Variants in LRRC1 observed in about 807,000 individuals in gnomAD.
The protein encoded by LRRC1 is leucine rich repeat containing 1.
Under a neutral mutation model 69.9 loss-of-function variants are expected in LRRC1, and 28 were observed. The ratio of observed to expected loss-of-function variants is 0.40; its 90% CI spans 0.30 to 0.55. LRRC1 has a LOEUF of 0.55. Among genes scored for constraint, LRRC1 ranks in the 20% least tolerant of loss-of-function variants. The pLI is 0.47. For synonymous variants in LRRC1, 236 were observed against 240.2 expected, an observed-to-expected ratio of 0.98 and a Z score of 0.16; for missense variants, 498 against 609.0, an observed-to-expected ratio of 0.82 and a Z score of 1.92.
intron 2 of LRRC1, among the ~76,000 whole-genome samples, chr6:53,852,622 G>C (rs964831457): frequency 5.3e-5 from 8 of 152,188 alleles, no homozygotes; most frequent in Non-Finnish European, 1.0e-4. Context: ...CCTGAGATAA[G>C]GAACCCAGGA....
intron 2 of LRRC1, among the ~76,000 whole-genome samples, chr6:53,871,555 G>C (rs1333644351): frequency 6.6e-6 from 1 of 152,118 alleles, no homozygotes; most frequent in East Asian, 1.9e-4. Context: ...CAGATGCGTA[G>C]TTTGCAAATA....
At chr6:53,795,566 C>T (rs753438830) in intron 1 of LRRC1, 151 bp downstream of exon 1, 3 of 735,742 alleles carry the variant, frequency 4.1e-6, no homozygotes, top group Non-Finnish European at 6.5e-6. Context: ...CCCCCTGTCT[C>T]TTTACTTCCA....
At chr6:53,908,118 T>C (rs984601117) in intron 10 of LRRC1, among the ~76,000 whole-genome samples, 7 of 152,180 alleles carry the variant, frequency 4.6e-5, no homozygotes, top group Non-Finnish European at 8.8e-5. Context: ...TGCAGTAGTA[T>C]GATTGATTCA....
chr6:53,881,999 A>G (rs1419510148), intron 3 of LRRC1, among the ~76,000 whole-genome samples: 2 of 152,226 alleles, frequency 1.3e-5, no homozygotes, highest in African/African-American at 4.8e-5. Context: ...AGAACATAGT[A>G]AAACATAAAA....
At chr6:53,907,815 C>G (rs1768288854) in intron 10 of LRRC1, among the ~76,000 whole-genome samples, 1 of 151,426 alleles carries the variant, frequency 6.6e-6, no homozygotes, top group Non-Finnish European at 1.5e-5. Context: ...AGATTATTCA[C>G]TCTCAAAAGA....
At chr6:53,820,429 G>A (rs1164131508) in intron 1 of LRRC1, among the ~76,000 whole-genome samples, 8 of 147,616 alleles carry the variant, frequency 5.4e-5, no homozygotes, top group African/African-American at 2.0e-4. Context: ...GCACATGGTA[G>A]GCACAGTGCT....
chr6:53,879,688 C>G (rs1462176986), intron 3 of LRRC1, among the ~76,000 whole-genome samples: 1 of 151,996 alleles, frequency 6.6e-6, no homozygotes, highest in Non-Finnish European at 1.5e-5. Context: ...TTAGCAATAG[C>G]TGTGAGGATT....
intron 1 of LRRC1, among the ~76,000 whole-genome samples, chr6:53,823,092 G>T (rs1157818470): frequency 6.6e-6 from 1 of 152,162 alleles, no homozygotes; most frequent in African/African-American, 2.4e-5. Flanking sequence ...CTGTGACTCT[G>T]GAGTGTAAGT....
chr6:53,848,630 G>C (rs1416218222), intron 2 of LRRC1, among the ~76,000 whole-genome samples: 1 of 152,130 alleles, frequency 6.6e-6, no homozygotes, highest in Admixed American at 6.5e-5. Context: ...CCTTCCACTT[G>C]CTTTGTCAGA....
rs9463999 is a variant in LRRC1, at chr6:53,913,198, A to G, written c.991-656A>G. On this transcript the variant is annotated intron_variant, in intron 10 of 13. Transcript: ENST00000370888. ...AGGCTGCAGCTGAAGAAATGGATGT[A>G]TGGATTTACTCAGTTCACTTTCTGT... 1.9e-3 allele frequency among the ~76,000 whole-genome samples: 288 copies of G among 152,238 alleles called. 2 individuals carry two copies. The highest frequency in any genetic ancestry group is 6.5e-3 in the African/African-American group (272 of 41,542).
intron 9 of LRRC1, among the ~76,000 whole-genome samples, chr6:53,903,739 G>A (rs528234370): frequency 6.6e-6 from 1 of 152,312 alleles, no homozygotes; most frequent in South Asian, 2.1e-4. Flanking sequence ...GCCTCTGGCA[G>A]GTGTGGTGGG....
At chr6:53,839,202 T>G (rs1488845499) in intron 1 of LRRC1, among the ~76,000 whole-genome samples, 3 of 152,132 alleles carry the variant, frequency 2.0e-5, no homozygotes, top group Non-Finnish European at 4.4e-5. Flanking sequence ...TTATTTTCAG[T>G]TATGAGGACA....
intron 2 of LRRC1, among the ~76,000 whole-genome samples, chr6:53,849,080 T>TG (rs1330791078): frequency 2.9e-5 from 4 of 137,526 alleles, no homozygotes; most frequent in Non-Finnish European, 4.8e-5. Flanking sequence ...TTTTTTTTTT[T>TG]AGTTAGCAGG....
intron 1 of LRRC1, among the ~76,000 whole-genome samples, chr6:53,815,990 C>G (rs1764940304): frequency 6.6e-6 from 1 of 152,108 alleles, no homozygotes. Context: ...TAGTTTTCAT[C>G]TCTGCTTTGT....
At position 53,842,247 on chromosome 6, in the gene LRRC1, G is replaced by T. The variant is rs778064303; in HGVS notation, c.277+20G>T. On this transcript the variant is annotated intron_variant, in intron 2 of 13. Transcript: ENST00000370888. ...GAAATGGTAAGAAAGATTCCACTTG[G>T]GTTGCCTATTTGTCTCTTCAGATGC... 7.7e-6 allele frequency: 12 copies of T among 1,566,074 alleles called. No individual in the cohort carries two copies. The East Asian group carries it at 2.2e-4, about 29-fold the overall frequency.
intron 1 of LRRC1, among the ~76,000 whole-genome samples, chr6:53,813,980 C>A (rs1764875998): frequency 6.6e-6 from 1 of 152,210 alleles, no homozygotes; most frequent in African/African-American, 2.4e-5. Flanking sequence ...GAAACCCTTG[C>A]ATCCTTGCTC....
At chr6:53,798,187 T>G (rs1764357633) in intron 1 of LRRC1, among the ~76,000 whole-genome samples, 1 of 152,184 alleles carries the variant, frequency 6.6e-6, no homozygotes, top group Non-Finnish European at 1.5e-5. Context: ...CCCTAATCTT[T>G]TAACCTTTTG....
chr6:53,848,440 C>T (rs1297530675), intron 2 of LRRC1, among the ~76,000 whole-genome samples: 2 of 152,192 alleles, frequency 1.3e-5, no homozygotes, highest in Admixed American at 6.5e-5. Flanking sequence ...ATTGTTTAAA[C>T]ATGAAGATAT....
chr6:53,914,832 G>A (rs1298439906), intron 11 of LRRC1, among the ~76,000 whole-genome samples: 1 of 152,166 alleles, frequency 6.6e-6, no homozygotes, highest in Non-Finnish European at 1.5e-5. Context: ...TGCCATGGCA[G>A]TCACAGTACC....
Sources: gnomAD v4.1 joint callset for allele counts (sites outside exome capture counted in the v4.1 genomes callset) on GRCh38, gnomAD v4.1.1 for gene constraint, MANE v1.5 for transcripts, NCBI Gene and HGNC (gene_info 2026-07-23, HGNC 2026-07-21) for gene names.